Variants in SLC4A4 observed in about 807,000 individuals in gnomAD.
The protein encoded by SLC4A4 is electrogenic sodium bicarbonate cotransporter 1.
In SLC4A4, 27 loss-of-function variants were observed where a neutral mutation model predicts 111.5. The observed-to-expected ratio is 0.24, with a 90% CI of 0.18 to 0.33. The LOEUF (loss-of-function observed/expected upper bound fraction) is 0.33, where lower values mean the gene tolerates loss of function less well. Ranked by LOEUF, SLC4A4 falls within the 10% of genes least tolerant of loss-of-function variation. The pLI, the probability that SLC4A4 is intolerant of heterozygous loss-of-function variation, is 1.00. For missense variants in SLC4A4, 909 were observed against 1,315.5 expected (o/e 0.69, Z 4.78); for synonymous variants, 443 against 463.4 (o/e 0.96, Z 0.57).
At chr4:71,147,104 A>G in intron 2 of SLC4A4, among the ~76,000 whole-genome samples, 1 of 152,148 alleles carries the variant, frequency 6.6e-6, no homozygotes, top group East Asian at 1.9e-4. Context: ...CTCAGATAAA[A>G]CAGACTTTAA....
chr4:71,448,085 C>T (rs965657944), intron 9 of SLC4A4, among the ~76,000 whole-genome samples: 2 of 151,906 alleles, frequency 1.3e-5, no homozygotes, highest in Non-Finnish European at 2.9e-5. Context: ...TTTGAGAGGT[C>T]GAGGTGGGCA....
At chr4:71,567,728 T>C in intron 25 of SLC4A4, 60 bp from the exon 26 acceptor site, 1 of 772,176 alleles carries the variant, frequency 1.3e-6, no homozygotes. Context: ...GCATAAACAT[T>C]TGACAGATGA....
At chr4:71,541,916 T>C (rs1735104843) in intron 18 of SLC4A4, among the ~76,000 whole-genome samples, 1 of 152,166 alleles carries the variant, frequency 6.6e-6, no homozygotes, top group Non-Finnish European at 1.5e-5. Context: ...GTATTCTTTA[T>C]ATAAAAAGGA....
intron 6 of SLC4A4, among the ~76,000 whole-genome samples, chr4:71,392,253 A>G (rs1719360546): frequency 6.6e-6 from 1 of 152,108 alleles, no homozygotes; most frequent in South Asian, 2.1e-4. Flanking sequence ...ATTTGGTTGT[A>G]TAGGTGAGGA....
chr4:71,162,751 T>C (rs1280812023), intron 2 of SLC4A4, among the ~76,000 whole-genome samples: 1 of 152,158 alleles, frequency 6.6e-6, no homozygotes, highest in South Asian at 2.1e-4. Context: ...AAAATAATTA[T>C]GATAATTCTT....
rs1737858832 is a variant in SLC4A4 at position 71,570,442 on chromosome 4, C to G, written c.*2691C>G. 6.6e-6 allele frequency: 1 copy of G among 152,222 alleles called. No homozygotes were observed. Among genetic ancestry groups the G allele is most frequent in the Admixed American group, 6.6e-5 (1 of 15,208 alleles). The allele number at this position is 152,222 out of a possible 1,614,324, so 9.4% of individuals were successfully genotyped here. On this transcript the variant is annotated 3_prime_UTR_variant, in exon 26 of 26. Coordinates refer to ENST00000264485, the MANE Select transcript of SLC4A4 (RefSeq NM_001098484.3). ...AGAAGTAGTTAACCAAACTAACAAG[C>G]AAAACCTGAGGTTTACCTAGTGACA...
At chr4:71,333,605 C>T (rs764375445) in intron 3 of SLC4A4, among the ~76,000 whole-genome samples, 6 of 152,222 alleles carry the variant, frequency 3.9e-5, no homozygotes, top group East Asian at 1.9e-4. Flanking sequence ...GCCAGGCTTG[C>T]GTCCTTCCCT....
At chr4:71,215,949 G>C (rs1718404049) in intron 1 of SLC4A4, among the ~76,000 whole-genome samples, 1 of 146,246 alleles carries the variant, frequency 6.8e-6, no homozygotes. Flanking sequence ...CTGTCGCCCA[G>C]GCTGGAGTGC....
chr4:71,479,026 C>T (rs967365271), intron 14 of SLC4A4, among the ~76,000 whole-genome samples: 1 of 151,626 alleles, frequency 6.6e-6, no homozygotes, highest in Non-Finnish European at 1.5e-5. Flanking sequence ...GTCAGTTTTA[C>T]ATCCTGAGGG....
At chr4:71,545,027 C>T (rs560237950) in intron 18 of SLC4A4, among the ~76,000 whole-genome samples, 1 of 152,168 alleles carries the variant, frequency 6.6e-6, no homozygotes, top group African/African-American at 2.4e-5. Flanking sequence ...GCTCATCCCA[C>T]CTCTGCCCTC....
intron 1 of SLC4A4, among the ~76,000 whole-genome samples, chr4:71,081,916 G>C (rs951831826): frequency 1.3e-5 from 2 of 152,022 alleles, no homozygotes; most frequent in African/African-American, 4.8e-5. Flanking sequence ...TACACACAGG[G>C]CTCAAACATA....
chr4:71,199,871 G>A (rs1308213019), intron 1 of SLC4A4, among the ~76,000 whole-genome samples: 5 of 152,062 alleles, frequency 3.3e-5, no homozygotes, highest in African/African-American at 4.8e-5. Flanking sequence ...GGCTGGTCTC[G>A]AACCCCTGAC....
At chr4:71,080,095 A>G (rs1406125409) in intron 1 of SLC4A4, among the ~76,000 whole-genome samples, 1 of 152,072 alleles carries the variant, frequency 6.6e-6, no homozygotes, top group East Asian at 1.9e-4. Flanking sequence ...AGTTTCTCTG[A>G]CAGCAGGTCT....
At chr4:71,178,754 C>T (rs2148986336) in intron 2 of SLC4A4, among the ~76,000 whole-genome samples, 1 of 152,316 alleles carries the variant, frequency 6.6e-6, no homozygotes, top group African/African-American at 2.4e-5. Context: ...GATGGATTCA[C>T]AGCCAAATTC....
At chr4:71,164,160 T>A (rs977185262) in intron 2 of SLC4A4, among the ~76,000 whole-genome samples, 1 of 149,558 alleles carries the variant, frequency 6.7e-6, no homozygotes, top group Non-Finnish European at 1.5e-5. Context: ...GTGGGCAGAT[T>A]ACCTGAGGTC....
At chr4:71,092,878 C>G (rs1388830594) in intron 2 of SLC4A4, among the ~76,000 whole-genome samples, 1 of 152,112 alleles carries the variant, frequency 6.6e-6, no homozygotes, top group Non-Finnish European at 1.5e-5. Context: ...TGGCAGATCA[C>G]AAGGTCAAGA....
chr4:71,485,089 G>T (rs377728761), intron 14 of SLC4A4, among the ~76,000 whole-genome samples: 2 of 151,938 alleles, frequency 1.3e-5, no homozygotes, highest in Non-Finnish European at 2.9e-5. Context: ...TGCAAACAGG[G>T]ATAGTTTGAC....
intron 16 of SLC4A4, among the ~76,000 whole-genome samples, chr4:71,500,776 C>T (rs1458514126): frequency 2.0e-5 from 3 of 152,132 alleles, no homozygotes; most frequent in Non-Finnish European, 4.4e-5. Context: ...AATCAGTTGG[C>T]CATAAATGCA....
rs34495804 is a variant in SLC4A4, at chr4:71,142,761, C to CTT, written c.-2+49992_-2+49993dup. ...TCCAAAGGCACAAACTTTTCTCACT[C>CTT]TTTTTTTTTTTTTTTTTTTTTTTTA... On this transcript the variant is annotated intron_variant, in intron 2 of 26. Transcript: ENST00000649996. 6.6e-3 allele frequency among the ~76,000 whole-genome samples: 514 copies of CTT among 78,018 alleles called. 5 individuals carry two copies. Among genetic ancestry groups the CTT allele is most frequent in the African/African-American group, 0.011 (230 of 21,088 alleles). The allele number at this position is 78,018 out of a possible 152,430, so 51.2% of individuals were successfully genotyped here. A position where few individuals can be genotyped will look rare whatever the true frequency, so the allele number is the denominator to read the frequency against.
Sources: gnomAD v4.1 joint callset for allele counts (sites outside exome capture counted in the v4.1 genomes callset) on GRCh38, gnomAD v4.1.1 for gene constraint, MANE v1.5 for transcripts, NCBI Gene and HGNC (gene_info 2026-07-23, HGNC 2026-07-21) for gene names.